Variants in PDZD2 observed in about 807,000 individuals in gnomAD.
The protein encoded by PDZD2 is PDZ domain containing 2.
A neutral mutation model predicts 220.7 loss-of-function variants in PDZD2; 90 were observed. The ratio of observed to expected loss-of-function variants is 0.41; its 90% CI spans 0.34 to 0.49. PDZD2 has a LOEUF of 0.49. Among genes scored for constraint, PDZD2 ranks in the 20% least tolerant of loss-of-function variants. PDZD2 has a pLI of 0.28. For missense variants in PDZD2, 3,174 were observed against 3,608.5 expected (o/e 0.88, Z 3.08); for synonymous variants, 1,375 against 1,450.5 (o/e 0.95, Z 1.18).
At chr5:32,086,663 TTTGTTG>T (rs57422179) in intron 19 of PDZD2, among the ~76,000 whole-genome samples, 5 of 150,586 alleles carry the variant, frequency 3.3e-5, no homozygotes, top group Admixed American at 1.3e-4. Flanking sequence ...AGAACGCCGT[TTTGTTG>T]TTGTTGTTGT....
chr5:31,854,607 A>G (rs1185764020), intron 2 of PDZD2, among the ~76,000 whole-genome samples: 1 of 152,168 alleles, frequency 6.6e-6, no homozygotes, highest in African/African-American at 2.4e-5. Flanking sequence ...GCTTCTTGCA[A>G]TGGCTCGGAG....
chr5:32,046,130 C>T (rs1273697431), intron 7 of PDZD2, among the ~76,000 whole-genome samples: 1 of 152,128 alleles, frequency 6.6e-6, no homozygotes, highest in East Asian at 1.9e-4. Context: ...TAGCTATATT[C>T]ATATGTAGTT....
At chr5:31,776,776 G>A (rs1228415649) in intron 1 of PDZD2, among the ~76,000 whole-genome samples, 2 of 150,220 alleles carry the variant, frequency 1.3e-5, no homozygotes, top group Non-Finnish European at 3.0e-5. Flanking sequence ...AGCTTCCCGA[G>A]TAGCTGGGAC....
At position 32,014,698 on chromosome 5, in the gene PDZD2, G is replaced by A. The variant is rs1472927096; in HGVS notation, c.1407+4216G>A. On this transcript the variant is annotated intron_variant, in intron 6 of 24. Coordinates refer to ENST00000438447, the MANE Select transcript of PDZD2 (RefSeq NM_178140.4). ...CTCTCTTCATTTTCTGCTCTGCAAT[G>A]ACAATTTCTTTTTTTTTTTTTTTTT... is the stretch of plus-strand genomic sequence containing the variant. Among the ~76,000 whole-genome samples the A allele has an allele frequency of 5.6e-5, 7 of 124,002 alleles. No individual in the cohort carries two copies. The East Asian group carries it at 1.5e-3, about 27-fold the overall frequency. The allele number at this position is 124,002 out of a possible 152,430, so 81.4% of individuals were successfully genotyped here. A position where few individuals can be genotyped will look rare whatever the true frequency, so the allele number is the denominator to read the frequency against.
Position 32,087,755 on chromosome 5 carries a change from C to G in PDZD2, c.4307C>G (p.Ala1436Gly). 1.2e-6 allele frequency: 2 copies of G among 1,614,104 alleles called. No homozygotes were observed. Among genetic ancestry groups the G allele is most frequent in the Non-Finnish European group, 8.5e-7 (1 of 1,180,002 alleles). ...GACAGCTTCATCAAGGAGCTGGATG[C>G]TTCTGCAGCAAGGTCTCCGTCTTCC... ...DIDSFIKELD[A>G]SAARSPSSQT... The change falls in exon 20 of 25, where the codon GCT becomes GGT. Residue 1436 changes from alanine (A) to glycine (G), a missense_variant. By Grantham distance (60) the Ala-to-Gly change is moderately conservative. Transcript: ENST00000438447. This position sits in a 1 kb window ranked among gnomAD's most constrained non-coding sequence, Gnocchi z 4.0.
At position 32,097,299 on chromosome 5, in the gene PDZD2, C is replaced by T; in HGVS notation, c.7866C>T (p.Phe2622=). 3 of 1,611,168 alleles carry T rather than the reference C, an allele frequency of 1.9e-6. No individual in the cohort carries two copies. Among genetic ancestry groups the T allele is most frequent in the Non-Finnish European group, 2.5e-6 (3 of 1,177,282 alleles). The change falls in exon 22 of 25, where the codon TTC becomes TTT. Residue 2622 remains phenylalanine, a synonymous_variant. Transcript: ENST00000438447. Reference sequence around the variant, plus strand: ...ACTAGAATGAAGAAGATGTTTGCTTCATAGTCTTGAATAGAAAAGAAGGCT... The same window carrying T: ...ACTAGAATGAAGAAGATGTTTGCTTTATAGTCTTGAATAGAAAAGAAGGCT... ...AQSENEEDVC[F]IVLNRKEGSG... is the part of the protein sequence containing the mutation.
At chr5:31,863,779 TTC>T (rs1737941974) in intron 2 of PDZD2, among the ~76,000 whole-genome samples, 1 of 152,190 alleles carries the variant, frequency 6.6e-6, no homozygotes, top group African/African-American at 2.4e-5. Context: ...ATAAAGAAAT[TTC>T]TGTTTTTGTA....
At chr5:31,898,808 C>CTTTTTTTTTTTTTTTTTTTTTTTT (rs35589628) in intron 2 of PDZD2, among the ~76,000 whole-genome samples, 101 of 123,398 alleles carry the variant, frequency 8.2e-4, no homozygotes, top group Non-Finnish European at 1.0e-3. Context: ...AGCCTCTCTT[C>CTTTTTTTTTTTTTTTTTTTTTTTT]TTTTTTTTTT....
chr5:32,102,715 A>G (rs1018729048), intron 24 of PDZD2, among the ~76,000 whole-genome samples: 4 of 152,134 alleles, frequency 2.6e-5, no homozygotes, highest in Admixed American at 2.0e-4. Context: ...CACCCCATTC[A>G]TGACAGAGGC....
At chr5:31,688,253 A>C (rs1746954613) in intron 1 of PDZD2, among the ~76,000 whole-genome samples, 1 of 148,824 alleles carries the variant, frequency 6.7e-6, no homozygotes, top group African/African-American at 2.5e-5. Context: ...GAAAAAAAAA[A>C]CTCAGTTGTC....
intron 1 of PDZD2, among the ~76,000 whole-genome samples, chr5:31,772,977 C>T (rs77176961): frequency 0.029 from 4,384 of 152,250 alleles, 205 homozygotes; most frequent in African/African-American, 0.097. Flanking sequence ...CCTCCTGTCC[C>T]GGCTTTCTCA....
chr5:32,053,910 G>A (rs952763197), intron 10 of PDZD2, 27 bp downstream of exon 10: 1 of 1,233,358 alleles, frequency 8.1e-7, no homozygotes, highest in Non-Finnish European at 1.2e-6. Flanking sequence ...TGTATCCTCA[G>A]TGACAGTGAC....
intron 1 of PDZD2, among the ~76,000 whole-genome samples, chr5:31,668,613 A>T (rs1746094338): frequency 6.6e-6 from 1 of 152,204 alleles, no homozygotes; most frequent in Non-Finnish European, 1.5e-5. Context: ...TCATAAACGG[A>T]TAGTAATAAC....
At chr5:31,740,863 GT>G (rs937534424) in intron 1 of PDZD2, among the ~76,000 whole-genome samples, 2 of 152,148 alleles carry the variant, frequency 1.3e-5, no homozygotes, top group Non-Finnish European at 2.9e-5. Flanking sequence ...TTGGGGCATT[GT>G]CCTCGTAAAC....
chr5:31,654,067 G>A (rs1020023111), intron 1 of PDZD2, among the ~76,000 whole-genome samples: 36 of 152,128 alleles, frequency 2.4e-4, no homozygotes, highest in Non-Finnish European at 2.8e-4. Flanking sequence ...TACAGGCGTG[G>A]GCCACCGCGC....
intron 1 of PDZD2, among the ~76,000 whole-genome samples, chr5:31,733,844 T>C (rs1749681368): frequency 6.6e-6 from 1 of 152,210 alleles, no homozygotes; most frequent in African/African-American, 2.4e-5. Flanking sequence ...TAACCAGATA[T>C]GGGGATTTCT....
intron 2 of PDZD2, among the ~76,000 whole-genome samples, chr5:31,942,893 G>C (rs1271662780): frequency 1.3e-5 from 2 of 152,210 alleles, no homozygotes; most frequent in Non-Finnish European, 2.9e-5. Context: ...AGATGCTTCG[G>C]ATGTGTAGTT....
At chr5:31,851,612 T>G (rs887023408) in intron 2 of PDZD2, among the ~76,000 whole-genome samples, 1 of 152,238 alleles carries the variant, frequency 6.6e-6, no homozygotes, top group Admixed American at 6.5e-5. Context: ...AAATTAATGT[T>G]ATTTGTAGAC....
At chr5:31,816,306 G>T (rs1385741532) in intron 2 of PDZD2, among the ~76,000 whole-genome samples, 1 of 135,522 alleles carries the variant, frequency 7.4e-6, no homozygotes, top group East Asian at 1.9e-4. Flanking sequence ...AAAAAAAGAT[G>T]ACTGGGATTT....
Sources: gnomAD v4.1 joint callset for allele counts (sites outside exome capture counted in the v4.1 genomes callset) on GRCh38, gnomAD v4.1.1 for gene constraint, Gnocchi (gnomAD v3.1) non-coding constraint, MANE v1.5 for transcripts, NCBI Gene and HGNC (gene_info 2026-07-23, HGNC 2026-07-21) for gene names.